The following ZNF75D variants were observed in gnomAD, a reference collection of about 807,000 sequenced individuals.
The protein encoded by ZNF75D is zinc finger protein 75D, also known as zinc finger protein 75.
Under a neutral mutation model 33.3 loss-of-function variants are expected in ZNF75D, and 33 were observed. The ratio of observed to expected loss-of-function variants is 0.99; its 90% CI spans 0.75 to 1.32. ZNF75D has a LOEUF of 1.32. Among genes scored for constraint, ZNF75D ranks in the 40% most tolerant of loss-of-function variants. The pLI, the probability that ZNF75D is intolerant of heterozygous loss-of-function variation, is 0.00. For missense variants in ZNF75D, 338 were observed against 367.5 expected, an observed-to-expected ratio of 0.92 and a Z score of 0.66; for synonymous variants, 113 against 130.6, an observed-to-expected ratio of 0.87 and a Z score of 0.92.
chrX:135,280,837 G>A (rs1250765609), downstream of ZNF75D, among the ~76,000 whole-genome samples: 1 of 111,945 alleles, frequency 8.9e-6, no homozygotes, highest in African/African-American at 3.2e-5. Flanking sequence ...CTGGCTTGTA[G>A]GGTTTCTGCC....
chrX:135,284,052 C>T (rs2083931129), downstream of ZNF75D, among the ~76,000 whole-genome samples: 1 of 111,913 alleles, frequency 8.9e-6, no homozygotes, highest in Non-Finnish European at 1.9e-5. Flanking sequence ...TCTGGGAGCA[C>T]AGAGACTGGA....
At position 135,259,066 on chromosome X, in the gene ZNF75D, T is replaced by G. The variant is rs782016163; in HGVS notation, n.828-3289A>C. ...TTAAATAGGGAATCCTTTCCCCATT[T>G]CTTGTTTTTGTCAGGTTTGTCAAAG... is the stretch of plus-strand genomic sequence containing the variant. On this transcript the variant is annotated intron_variant and non_coding_transcript_variant, in intron 1 of 3. Transcript: ENST00000494295. Among the ~76,000 whole-genome samples the G allele has an allele frequency of 4.5e-3, 502 of 112,113 alleles. 1 individual carries two copies. Among genetic ancestry groups the G allele is most frequent in the Middle Eastern group, 0.023 (5 of 218 alleles).
chrX:135,329,307 G>A (rs782237841), intron 1 of ZNF75D, among the ~76,000 whole-genome samples: 86 of 110,442 alleles, frequency 7.8e-4, no homozygotes, highest in African/African-American at 2.7e-3. Context: ...TTATTGAGAC[G>A]GAGTCTTACT....
In ZNF75D at chrX:135,287,112, G is replaced by A. The variant is rs781855899; in HGVS notation, c.*25C>T. The A allele has an allele frequency of 2.7e-5, 31 of 1,141,228 alleles. No homozygotes were observed. Among genetic ancestry groups the A allele is most frequent in the Non-Finnish European group, 3.5e-5 (30 of 849,020 alleles). 94.0% of individuals were successfully genotyped at this position (1,141,228 alleles called of 1,213,427 possible). A position where few individuals can be genotyped will look rare whatever the true frequency, so the allele number is the denominator to read the frequency against. On this transcript the variant is annotated 3_prime_UTR_variant, in exon 7 of 7. Transcript: ENST00000370766. ...TTTGTATTCTTTCACCACTTCTAAAGTCAAGCTCTACATGGTAACTTTCCT... is the reference window on the plus strand; with the variant it reads ...TTTGTATTCTTTCACCACTTCTAAAATCAAGCTCTACATGGTAACTTTCCT...
chrX:135,320,093 G>A (rs1556433561), intron 1 of ZNF75D, among the ~76,000 whole-genome samples: 1 of 111,704 alleles, frequency 9.0e-6, no homozygotes, highest in African/African-American at 3.3e-5. Flanking sequence ...AGGAGTTTGA[G>A]ACCAGCCTGG....
chrX:135,290,956 G>A, intron 6 of ZNF75D, 53 bp downstream of exon 6: 1 of 1,136,285 alleles, frequency 8.8e-7, no homozygotes. Flanking sequence ...TCCATAAACA[G>A]AGGACATAAT....
At chrX:135,327,627 C>T (rs1452965908) in intron 1 of ZNF75D, 1 of 112,152 alleles carries the variant, frequency 8.9e-6, no homozygotes, top group Non-Finnish European at 1.9e-5. Flanking sequence ...ACTCAGTTAT[C>T]TTGGCCTCAG....
At chrX:135,330,884 T>TCA (rs2084643482) in intron 1 of ZNF75D, 1 of 111,627 alleles carries the variant, frequency 9.0e-6, no homozygotes. Context: ...CAGGTCATGC[T>TCA]GCAGATCAGA....
exon 4 of ZNF75D, chrX:135,249,222 G>A (rs2083771811): frequency 3.1e-6 from 1 of 318,474 alleles, no homozygotes; most frequent in Admixed American, 3.2e-5. Flanking sequence ...CAGATGTGCT[G>A]GGACCTACTT....
In ZNF75D at chrX:135,291,536, A is replaced by T; in HGVS notation, c.632T>A (p.Leu211His). 8.3e-7 allele frequency: 1 copy of T among 1,210,944 alleles called. No individual in the cohort carries two copies. The highest frequency in any genetic ancestry group is 3.0e-5 in the East Asian group (1 of 33,846). The change falls in exon 5 of 7, where the codon CTT (leucine) becomes CAT (histidine). Residue 211 changes from leucine (L) to histidine (H), a missense_variant. Around this residue, in one of 3 missense-constraint regions of ZNF75D, gnomAD observed 254 missense variants for 267.7 expected, o/e 0.95. Coordinates refer to ENST00000370766, the MANE Select transcript of ZNF75D (RefSeq NM_007131.5). ...RAVHDQQMLA[L>H]SEQKRIKHWK... ...GTGTTTGATTCTTTTCTGCTCAGAA[A>T]GGGCTAACATCTGTTGATCATGCAC...
chrX:135,333,766 G>T (rs1015369859), intron 1 of ZNF75D, among the ~76,000 whole-genome samples: 20 of 111,402 alleles, frequency 1.8e-4, no homozygotes, highest in Admixed American at 9.5e-5. Flanking sequence ...ATCTTTACCT[G>T]GTGGGGCAAC....
intron 1 of ZNF75D, among the ~76,000 whole-genome samples, chrX:135,338,902 C>G (rs1159152359): frequency 9.5e-6 from 1 of 105,640 alleles, no homozygotes; most frequent in Non-Finnish European, 2.0e-5. Context: ...TTCATCCCCT[C>G]CTCATGCCCC....
At chrX:135,262,376 C>G (rs2083846182) in intron 1 of ZNF75D, among the ~76,000 whole-genome samples, 1 of 112,122 alleles carries the variant, frequency 8.9e-6, no homozygotes. Flanking sequence ...TTGATAATAT[C>G]CTGAAGAGTG....
chrX:135,298,657 T>C (rs2084168057), intron 1 of ZNF75D: 1 of 111,918 alleles, frequency 8.9e-6, no homozygotes, highest in African/African-American at 3.2e-5. Flanking sequence ...ATTCTAAATA[T>C]CAGTGTTTTT....
At chrX:135,309,167 G>A (rs1602630538) in intron 1 of ZNF75D, among the ~76,000 whole-genome samples, 1 of 111,776 alleles carries the variant, frequency 8.9e-6, no homozygotes. Context: ...GAATTACGTC[G>A]ACACTTGAGC....
chrX:135,277,891 C>T (rs1344314982), intron 1 of ZNF75D, among the ~76,000 whole-genome samples: 1 of 111,961 alleles, frequency 8.9e-6, no homozygotes, highest in East Asian at 2.8e-4. Flanking sequence ...GTTACTGTAG[C>T]CTTGTAGTAT....
intron 1 of ZNF75D, among the ~76,000 whole-genome samples, chrX:135,311,752 A>C (rs1556428305): frequency 8.9e-6 from 1 of 111,963 alleles, no homozygotes; most frequent in Non-Finnish European, 1.9e-5. Context: ...CTATGGGTTC[A>C]ACTTTTTAGA....
intron 1 of ZNF75D, among the ~76,000 whole-genome samples, 192 bp from the exon 2 acceptor site, chrX:135,296,231 T>C (rs1181580091): frequency 9.0e-6 from 1 of 111,339 alleles, no homozygotes; most frequent in Non-Finnish European, 1.9e-5. Flanking sequence ...AAAGAGTTAA[T>C]GCTACCGAGT....
downstream of ZNF75D, among the ~76,000 whole-genome samples, chrX:135,280,943 G>C (rs2083918030): frequency 1.8e-5 from 2 of 111,481 alleles, no homozygotes; most frequent in South Asian, 7.5e-4. Flanking sequence ...TTTCAACTTT[G>C]GTGAATCTGA....
Sources: gnomAD v4.1 joint callset for allele counts (sites outside exome capture counted in the v4.1 genomes callset) on GRCh38, gnomAD v4.1.1 for gene constraint, gnomAD v4.1.1 regional missense constraint, MANE v1.5 for transcripts, NCBI Gene and HGNC (gene_info 2026-07-23, HGNC 2026-07-21) for gene names.